The following ARHGAP39 variants were observed in gnomAD, a reference collection of about 807,000 sequenced individuals.
The protein encoded by ARHGAP39 is Rho GTPase activating protein 39, also known as rho GTPase-activating protein 39.
In ARHGAP39, 44 loss-of-function variants were observed where a neutral mutation model predicts 106.9. That is an observed-to-expected ratio of 0.41 (90% CI 0.32 to 0.53). The LOEUF is 0.53. Ranked by LOEUF, ARHGAP39 falls within the 20% of genes least tolerant of loss-of-function variation. The pLI is 0.21. For synonymous variants in ARHGAP39, 768 were observed against 693.2 expected (o/e 1.11, Z -1.69); for missense variants, 1,496 against 1,577.3 (o/e 0.95, Z 0.87).
chr8:144,697,744 G>C, the ARHGAP39 span, among the ~76,000 whole-genome samples: 1 of 151,974 alleles, frequency 6.6e-6, no homozygotes, highest in African/African-American at 2.4e-5. Context: ...TGCCTGCCTC[G>C]GCCTCCCAAT....
chr8:144,547,006 A>C lies in ARHGAP39; in HGVS notation c.1959+121T>G. 1 of 1,265,032 alleles carries C rather than the reference A, an allele frequency of 7.9e-7. No individual in the cohort carries two copies. Among genetic ancestry groups the C allele is most frequent in the Non-Finnish European group, 1.1e-6 (1 of 949,554 alleles). 78.4% of individuals were successfully genotyped at this position (1,265,032 alleles called of 1,614,324 possible). A position where few individuals can be genotyped will look rare whatever the true frequency, so the allele number is the denominator to read the frequency against. ...CAGGGCCCCGGAGACACGGGGCTTCAGAACTCTGCGTGCTGCGTGCACGCC... is the reference window on the plus strand; with the variant it reads ...CAGGGCCCCGGAGACACGGGGCTTCCGAACTCTGCGTGCTGCGTGCACGCC... On this transcript the variant is annotated intron_variant, in intron 5 of 11. Transcript: ENST00000377307. The surrounding 1 kb of genome is among the most constrained non-coding windows in gnomAD (Gnocchi z 5.2).
chr8:144,688,217 C>T (rs1822672291), upstream of ARHGAP39, among the ~76,000 whole-genome samples: 1 of 151,792 alleles, frequency 6.6e-6, no homozygotes, highest in African/African-American at 2.4e-5. Context: ...AATTCTCCTG[C>T]CTCAACCTCT....
At position 144,591,544 on chromosome 8, in the gene ARHGAP39, G is replaced by A. The variant is rs559212605; in HGVS notation, c.81-10267C>T. ...TGTTCCCTGGGCGCCCCAGCCATGCGGAACCTCCTGGCTGGTCCACAGGGA... is the reference window on the plus strand; with the variant it reads ...TGTTCCCTGGGCGCCCCAGCCATGCAGAACCTCCTGGCTGGTCCACAGGGA... On this transcript the variant is annotated intron_variant, in intron 2 of 11. Coordinates refer to ENST00000377307, the MANE Select transcript of ARHGAP39 (RefSeq NM_025251.3). This position sits in a 1 kb window ranked among gnomAD's most constrained non-coding sequence, Gnocchi z 5.3. 3.4e-4 allele frequency among the ~76,000 whole-genome samples: 52 copies of A among 152,320 alleles called. No individual in the cohort carries two copies. The highest frequency in any genetic ancestry group is 1.2e-3 in the African/African-American group (50 of 41,576).
In ARHGAP39 at chr8:144,584,671, G is replaced by A. The variant is rs554815011; in HGVS notation, c.81-3394C>T. Among the ~76,000 whole-genome samples the A allele has an allele frequency of 3.3e-5, 5 of 152,326 alleles. No homozygotes were observed. In the South Asian group the frequency reaches 1.0e-3, roughly 32 times the overall value. On this transcript the variant is annotated intron_variant, in intron 2 of 11. Transcript: ENST00000377307. ...TCAGCTACTCGGGAGGCCAAGGCAG[G>A]AGAATCCCTTGAACCCGGGAGGCAG...
intron 2 of ARHGAP39, among the ~76,000 whole-genome samples, chr8:144,601,116 C>CTG (rs1186129020): frequency 1.0e-5 from 1 of 99,612 alleles, no homozygotes; most frequent in African/African-American, 4.0e-5. Flanking sequence ...CCTCATGTAC[C>CTG]TGTGTGTGCA....
chr8:144,678,475 A>G (rs1822301873), intron 1 of ARHGAP39, among the ~76,000 whole-genome samples: 1 of 152,098 alleles, frequency 6.6e-6, no homozygotes, highest in South Asian at 2.1e-4. Context: ...GGCTGAAGGA[A>G]CCAGTGAGCT....
rs542535806 is a variant in ARHGAP39, at chr8:144,610,878, G to A, written c.-81-5183C>T. On this transcript the variant is annotated intron_variant, in intron 1 of 11. Transcript: ENST00000377307. ...GTCACCCAGGCTGGAGTGCAGTGGT[G>A]GGATCTTGGCTTGCTGCAACCTCCA... Among the ~76,000 whole-genome samples the A allele has an allele frequency of 1.5e-4, 23 of 152,154 alleles. No individual in the cohort carries two copies. The East Asian group carries it at 4.1e-3, about 27-fold the overall frequency.
intron 3 of ARHGAP39, among the ~76,000 whole-genome samples, chr8:144,574,990 A>T (rs1818720437): frequency 6.6e-6 from 1 of 152,234 alleles, no homozygotes; most frequent in Non-Finnish European, 1.5e-5. Context: ...TATATGGTGT[A>T]GCCTATTGCC....
chr8:144,694,568 C>T, the ARHGAP39 span, among the ~76,000 whole-genome samples: 2 of 152,336 alleles, frequency 1.3e-5, no homozygotes, highest in East Asian at 3.9e-4. Context: ...AGTCAGCTTT[C>T]GCTGAGTTGT....
intron 1 of ARHGAP39, among the ~76,000 whole-genome samples, chr8:144,637,270 T>C (rs1392000721): frequency 6.6e-6 from 1 of 152,248 alleles, no homozygotes; most frequent in East Asian, 1.9e-4. Context: ...AACTTTATCT[T>C]GCAACCCATG....
intron 3 of ARHGAP39, among the ~76,000 whole-genome samples, chr8:144,575,916 CTA>C (rs1818755895): frequency 6.6e-6 from 1 of 152,190 alleles, no homozygotes; most frequent in South Asian, 2.1e-4. Flanking sequence ...CCATTATAAT[CTA>C]TGAGACCACT....
chr8:144,542,962 G>T (rs1278598997), intron 6 of ARHGAP39, among the ~76,000 whole-genome samples: 1 of 150,784 alleles, frequency 6.6e-6, no homozygotes, highest in Admixed American at 6.6e-5. Flanking sequence ...AAAAAGGGGG[G>T]TCTTGCTCTG....
In ARHGAP39 at chr8:144,601,627, C is replaced by T. The variant is rs527658128; in HGVS notation, c.80+3908G>A. ...TCATGTATCTGTGTGTGCATGGAGGCGTGCATGTGTGCTCGTGTACCTGTG... is the reference window on the plus strand; with the variant it reads ...TCATGTATCTGTGTGTGCATGGAGGTGTGCATGTGTGCTCGTGTACCTGTG... On this transcript the variant is annotated intron_variant, in intron 2 of 11. Coordinates refer to ENST00000377307, the MANE Select transcript of ARHGAP39 (RefSeq NM_025251.3). 3.2e-3 allele frequency among the ~76,000 whole-genome samples: 364 copies of T among 115,400 alleles called. 3 individuals carry two copies. The highest frequency in any genetic ancestry group is 0.012 in the African/African-American group (343 of 29,024). 75.7% of individuals were successfully genotyped at this position (115,400 alleles called of 152,430 possible).
At chr8:144,600,070 T>C (rs545229136) in intron 2 of ARHGAP39, among the ~76,000 whole-genome samples, 1 of 152,022 alleles carries the variant, frequency 6.6e-6, no homozygotes, top group Non-Finnish European at 1.5e-5. Flanking sequence ...CATGTACCTG[T>C]GTGCGTGTGC....
chr8:144,570,684 C>A (rs1162547866), intron 3 of ARHGAP39, among the ~76,000 whole-genome samples: 1 of 151,774 alleles, frequency 6.6e-6, no homozygotes, highest in Non-Finnish European at 1.5e-5. Context: ...ATGGAGACAG[C>A]AGGTAGAAAA....
At chr8:144,653,145 A>T (rs1821614155) in intron 1 of ARHGAP39, among the ~76,000 whole-genome samples, 1 of 152,126 alleles carries the variant, frequency 6.6e-6, no homozygotes, top group African/African-American at 2.4e-5. Context: ...TAAAAATACA[A>T]AATAGCTGGG....
chr8:144,673,700 C>T (rs1822160125), intron 1 of ARHGAP39, among the ~76,000 whole-genome samples: 1 of 152,234 alleles, frequency 6.6e-6, no homozygotes, highest in African/African-American at 2.4e-5. Flanking sequence ...CTGAGTATTG[C>T]TCATGCCCAC....
chr8:144,673,853 T>C (rs982707401), intron 1 of ARHGAP39, among the ~76,000 whole-genome samples: 7 of 152,362 alleles, frequency 4.6e-5, no homozygotes, highest in African/African-American at 1.7e-4. Context: ...CCACCGTGCA[T>C]AGCCAGGCAT....
chr8:144,601,223 C>A (rs1281705065), intron 2 of ARHGAP39, among the ~76,000 whole-genome samples: 1 of 132,876 alleles, frequency 7.5e-6, no homozygotes, highest in Non-Finnish European at 1.6e-5. Flanking sequence ...GGTGCGTGTG[C>A]AAGCTCATGT....
Sources: gnomAD v4.1 joint callset for allele counts (sites outside exome capture counted in the v4.1 genomes callset) on GRCh38, gnomAD v4.1.1 for gene constraint, Gnocchi (gnomAD v3.1) non-coding constraint, MANE v1.5 for transcripts, NCBI Gene and HGNC (gene_info 2026-07-23, HGNC 2026-07-21) for gene names.